The following MEMO1 variants were observed in gnomAD, a reference collection of about 807,000 sequenced individuals.
MEMO1 encodes mediator of cell motility 1.
Under a neutral mutation model 45.2 loss-of-function variants are expected in MEMO1, and 6 were observed. The ratio of observed to expected loss-of-function variants is 0.13; its 90% CI spans 0.07 to 0.26. The LOEUF (loss-of-function observed/expected upper bound fraction) is 0.26, where lower values mean the gene tolerates loss of function less well. Among genes scored for constraint, MEMO1 ranks in the 10% least tolerant of loss-of-function variants. The pLI, the probability that MEMO1 is intolerant of heterozygous loss-of-function variation, is 1.00. For synonymous variants in MEMO1, 78 were observed against 124.3 expected (o/e 0.63, Z 2.48); for missense variants, 184 against 370.5 (o/e 0.50, Z 4.13).
At chr2:31,901,919 A>G (rs1243096674) in intron 6 of MEMO1, among the ~76,000 whole-genome samples, 3 of 151,952 alleles carry the variant, frequency 2.0e-5, no homozygotes, top group Admixed American at 6.6e-5. Context: ...AAAAAAAAAA[A>G]AAGTTCTAAA....
At chr2:31,920,281 T>A (rs575248636) in intron 5 of MEMO1, among the ~76,000 whole-genome samples, 183 of 151,968 alleles carry the variant, frequency 1.2e-3, no homozygotes, top group African/African-American at 4.1e-3. Context: ...AAAAAATAAA[T>A]CAACCAAAAT....
chr2:31,988,146 AG>A (rs1280687882), intron 2 of MEMO1, among the ~76,000 whole-genome samples: 1 of 152,172 alleles, frequency 6.6e-6, no homozygotes, highest in African/African-American at 2.4e-5. Flanking sequence ...ACATACCAGA[AG>A]TCTGCAGGAC....
chr2:31,958,738 G>A lies in MEMO1; in HGVS notation c.62-15355C>T, dbSNP rs116438611. ...ACGATCTCAGCTGAGTGCAACCTCC[G>A]CTTCCCTGGCTCAAGCCATCCTTCT... On this transcript the variant is annotated intron_variant, in intron 2 of 9. Transcript: ENST00000404530. Among the ~76,000 whole-genome samples, 1,412 of 152,232 alleles carry A rather than the reference G, an allele frequency of 9.3e-3. 20 individuals are homozygous for A. Among genetic ancestry groups the A allele is most frequent in the African/African-American group, 0.032 (1,319 of 41,546 alleles).
At chr2:31,881,873 G>A (rs757390155) in intron 8 of MEMO1, among the ~76,000 whole-genome samples, 7 of 152,190 alleles carry the variant, frequency 4.6e-5, no homozygotes, top group Non-Finnish European at 7.3e-5. Context: ...GCTGGGTGCG[G>A]TGTCACATGC....
At chr2:31,899,378 C>T (rs1455042694) in intron 6 of MEMO1, among the ~76,000 whole-genome samples, 1 of 152,130 alleles carries the variant, frequency 6.6e-6, no homozygotes, top group Non-Finnish European at 1.5e-5. Context: ...AGAAATAATG[C>T]CACACACCTA....
chr2:31,911,533 T>C (rs890298169), intron 6 of MEMO1, among the ~76,000 whole-genome samples: 3 of 152,352 alleles, frequency 2.0e-5, no homozygotes, highest in Non-Finnish European at 4.4e-5. Flanking sequence ...CTTTAGTTAA[T>C]ATAATAATGT....
At chr2:31,976,143 A>C (rs958676715) in intron 2 of MEMO1, among the ~76,000 whole-genome samples, 2 of 152,218 alleles carry the variant, frequency 1.3e-5, no homozygotes, top group Admixed American at 1.3e-4. Context: ...ATAAAGTATC[A>C]AATGGGGAAG....
chr2:31,994,566 G>C (rs1361044796), intron 2 of MEMO1, among the ~76,000 whole-genome samples: 1 of 151,698 alleles, frequency 6.6e-6, no homozygotes, highest in Admixed American at 6.6e-5. Flanking sequence ...GGGAGGTGGA[G>C]GTTGCAGTGA....
chr2:31,870,451 C>G (rs1408224416), intron 8 of MEMO1, among the ~76,000 whole-genome samples: 1 of 151,978 alleles, frequency 6.6e-6, no homozygotes, highest in African/African-American at 2.4e-5. Flanking sequence ...AAATATCAAC[C>G]ATGTAAGGTA....
chr2:31,965,069 C>T (rs1467819003), intron 2 of MEMO1, among the ~76,000 whole-genome samples: 1 of 151,866 alleles, frequency 6.6e-6, no homozygotes. Flanking sequence ...CAAAATTAGT[C>T]GGGAGTGGTG....
intron 6 of MEMO1, among the ~76,000 whole-genome samples, chr2:31,910,975 G>GA (rs934893763): frequency 6.7e-6 from 1 of 148,774 alleles, no homozygotes; most frequent in African/African-American, 2.5e-5. Flanking sequence ...ATGATGAGAG[G>GA]AAAAAATTAT....
At chr2:31,886,103 ATGCC>A (rs1676148778) in intron 7 of MEMO1, among the ~76,000 whole-genome samples, 1 of 152,220 alleles carries the variant, frequency 6.6e-6, no homozygotes, top group African/African-American at 2.4e-5. Context: ...ATGGCAGTAA[ATGCC>A]ATCTACTTTT....
At chr2:31,938,157 A>C (rs1462987994) in intron 3 of MEMO1, among the ~76,000 whole-genome samples, 1 of 152,182 alleles carries the variant, frequency 6.6e-6, no homozygotes, top group African/African-American at 2.4e-5. Flanking sequence ...AGATAGAACA[A>C]CAGTTGACAG....
Position 31,974,090 on chromosome 2 carries a change from GCTCC to G in MEMO1, c.62-30711_62-30708del, listed in dbSNP as rs926861235. On this transcript the variant is annotated intron_variant, in intron 2 of 9. Coordinates refer to ENST00000404530, the MANE Select transcript of MEMO1 (RefSeq NM_001301833.4). ...AGAAACTGCTAATTGTTTCTCGCTC[GCTCC>G]CTCCCTCCCTCCCTCCAATCTTTTG... Among the ~76,000 whole-genome samples the G allele has an allele frequency of 3.1e-4, 47 of 151,974 alleles. 1 individual carries two copies. In the Middle Eastern group the frequency reaches 0.014, roughly 44 times the overall value.
At chr2:31,893,409 C>A (rs1677239459) in intron 6 of MEMO1, 1 of 1,039,766 alleles carries the variant, frequency 9.6e-7, no homozygotes, top group Non-Finnish European at 1.2e-6. Flanking sequence ...CTAAATAACT[C>A]CCTGACTGAA....
intron 7 of MEMO1, among the ~76,000 whole-genome samples, chr2:31,890,141 T>C (rs1002354434): frequency 3.3e-5 from 5 of 152,148 alleles, no homozygotes; most frequent in African/African-American, 9.6e-5. Flanking sequence ...GTAAAAAGGA[T>C]GATTCCACAG....
At chr2:31,933,348 A>AAATATATAT (rs1558514269) in intron 3 of MEMO1, among the ~76,000 whole-genome samples, 3 of 16,178 alleles carry the variant, frequency 1.9e-4, no homozygotes, top group African/African-American at 4.9e-4. Context: ...AAAAAAAAAA[A>AAATATATAT]ATTTATATAT....
At chr2:31,909,028 G>A (rs1680191309) in intron 6 of MEMO1, among the ~76,000 whole-genome samples, 1 of 152,156 alleles carries the variant, frequency 6.6e-6, no homozygotes, top group Non-Finnish European at 1.5e-5. Flanking sequence ...TGTAATAACA[G>A]GGGAAAGTAA....
At chr2:31,969,591 GTGTGTGTGTGT>G (rs1669107702) in intron 2 of MEMO1, among the ~76,000 whole-genome samples, 1 of 41,972 alleles carries the variant, frequency 2.4e-5, no homozygotes, top group South Asian at 7.4e-4. Flanking sequence ...GTGTGGGTGT[GTGTGTGTGTGT>G]GTGTGTGTGT....
Sources: gnomAD v4.1 joint callset for allele counts (sites outside exome capture counted in the v4.1 genomes callset) on GRCh38, gnomAD v4.1.1 for gene constraint, MANE v1.5 for transcripts, NCBI Gene and HGNC (gene_info 2026-07-23, HGNC 2026-07-21) for gene names.